The following RALGPS1 variants were observed in gnomAD, a reference collection of about 807,000 sequenced individuals.
RALGPS1 encodes Ral GEF with PH domain and SH3 binding motif 1, also known as ras-specific guanine nucleotide-releasing factor RalGPS1.
Under a neutral mutation model 78.8 loss-of-function variants are expected in RALGPS1, and 19 were observed. The ratio of observed to expected loss-of-function variants is 0.24; its 90% CI spans 0.17 to 0.35. The LOEUF (loss-of-function observed/expected upper bound fraction) is 0.35. Among genes scored for constraint, RALGPS1 ranks in the 10% least tolerant of loss-of-function variants. The pLI is 1.00. For missense variants in RALGPS1, 454 were observed against 688.3 expected, an observed-to-expected ratio of 0.66 and a Z score of 3.81; for synonymous variants, 228 against 256.3, an observed-to-expected ratio of 0.89 and a Z score of 1.06.
chr9:127,093,218 GC>G (rs746246774), intron 8 of RALGPS1, among the ~76,000 whole-genome samples: 2 of 152,108 alleles, frequency 1.3e-5, no homozygotes, highest in African/African-American at 2.4e-5. Context: ...ACACAGATGA[GC>G]ATTTCAACTC....
chr9:127,105,403 C>T (rs2054126496), intron 8 of RALGPS1, among the ~76,000 whole-genome samples: 1 of 152,132 alleles, frequency 6.6e-6, no homozygotes, highest in African/African-American at 2.4e-5. Context: ...ATTTGAGGTG[C>T]CAGGAATAGA....
Position 127,115,962 on chromosome 9 carries a change from A to G in RALGPS1, c.610+46606A>G, listed in dbSNP as rs189627613. Among the ~76,000 whole-genome samples, 323 of 152,286 alleles carry G rather than the reference A, an allele frequency of 2.1e-3. 2 individuals carry two copies. Among genetic ancestry groups the G allele is most frequent in the Non-Finnish European group, 3.0e-3 (207 of 68,012 alleles). The stretch of plus-strand genomic sequence containing the variant: ...CCCTCCCCTCCTGGCTGAGGATGCT[A>G]TGAATGATTCCCCACCAGAAGGCAC... On this transcript the variant is annotated intron_variant, in intron 8 of 18. Transcript: ENST00000259351.
At chr9:126,987,820 C>T (rs2041942242) in intron 4 of RALGPS1, among the ~76,000 whole-genome samples, 2 of 152,120 alleles carry the variant, frequency 1.3e-5, no homozygotes, top group South Asian at 2.1e-4. Context: ...GACCTCGGCA[C>T]AATTCAACCT....
intron 1 of RALGPS1, among the ~76,000 whole-genome samples, chr9:126,940,512 T>C (rs1477039652): frequency 6.7e-6 from 1 of 148,954 alleles, no homozygotes; most frequent in Non-Finnish European, 1.5e-5. Context: ...CGATCTTGGC[T>C]CACTGCAAGC....
chr9:127,003,046 A>G (rs1193017858), intron 4 of RALGPS1, among the ~76,000 whole-genome samples: 1 of 152,158 alleles, frequency 6.6e-6, no homozygotes, highest in African/African-American at 2.4e-5. Context: ...TGGTTGAACT[A>G]GTTTACAGTC....
At chr9:127,035,875 G>A (rs1371817742) in intron 5 of RALGPS1, among the ~76,000 whole-genome samples, 2 of 151,760 alleles carry the variant, frequency 1.3e-5, no homozygotes, top group African/African-American at 2.4e-5. Context: ...TTGAAAAATC[G>A]TCTCTTTTCA....
chr9:126,963,949 G>A (rs780562852), intron 2 of RALGPS1, among the ~76,000 whole-genome samples: 2 of 152,208 alleles, frequency 1.3e-5, no homozygotes, highest in Admixed American at 1.3e-4. Flanking sequence ...ACTGGGAGAT[G>A]GAGTAGACTG....
At chr9:127,102,747 G>C (rs1210584975) in intron 8 of RALGPS1, among the ~76,000 whole-genome samples, 2 of 152,168 alleles carry the variant, frequency 1.3e-5, no homozygotes, top group Admixed American at 1.3e-4. Flanking sequence ...CATCATCCAG[G>C]TGGGCCATCT....
intron 8 of RALGPS1, among the ~76,000 whole-genome samples, chr9:127,078,163 T>C (rs1221579253): frequency 1.3e-5 from 2 of 152,170 alleles, no homozygotes; most frequent in Admixed American, 1.3e-4. Context: ...CAGAATGATC[T>C]CAAAGACGCT....
intron 4 of RALGPS1, among the ~76,000 whole-genome samples, chr9:127,018,309 TAA>T (rs61463787): frequency 6.1e-4 from 89 of 145,462 alleles, no homozygotes; most frequent in Middle Eastern, 3.6e-3. Flanking sequence ...ATAGTTAACT[TAA>T]AAAAAAAAAA....
intron 1 of RALGPS1, among the ~76,000 whole-genome samples, chr9:126,937,975 G>C (rs970543786): frequency 1.3e-5 from 2 of 152,152 alleles, no homozygotes; most frequent in African/African-American, 4.8e-5. Flanking sequence ...GGAGGTGGGT[G>C]CTCCTTTACA....
intron 1 of RALGPS1, among the ~76,000 whole-genome samples, chr9:126,960,210 TCC>T (rs1278641711): frequency 0.12 from 6,856 of 56,620 alleles, 903 homozygotes; most frequent in African/African-American, 0.33. Flanking sequence ...CCTCCCTCCC[TCC>T]CTCCCTCCCT....
intron 4 of RALGPS1, among the ~76,000 whole-genome samples, chr9:127,011,528 G>T (rs2044345632): frequency 6.6e-6 from 1 of 152,118 alleles, no homozygotes; most frequent in Non-Finnish European, 1.5e-5. Flanking sequence ...TTAGAATTCA[G>T]TAGGGTGTAT....
chr9:126,934,540 C>T (rs904263265), intron 1 of RALGPS1, among the ~76,000 whole-genome samples: 15 of 152,114 alleles, frequency 9.9e-5, no homozygotes, highest in African/African-American at 2.2e-4. Flanking sequence ...GGGACTGAGG[C>T]GCTGCAGAGT....
In RALGPS1 at chr9:127,182,574, C is replaced by T. The variant is rs1001293974; in HGVS notation, c.910+7792C>T. Among the ~76,000 whole-genome samples, 8 of 151,888 alleles carry T rather than the reference C, an allele frequency of 5.3e-5. No individual in the cohort carries two copies. The South Asian group carries it at 1.0e-3, about 20-fold the overall frequency. Reference sequence around the variant, plus strand: ...CCTCCCGAGTAGCTGGGATTACAGTCGCCCGCCACCATGCCCAGCAAATTT... The same window carrying T: ...CCTCCCGAGTAGCTGGGATTACAGTTGCCCGCCACCATGCCCAGCAAATTT... On this transcript the variant is annotated intron_variant, in intron 11 of 18. Coordinates refer to ENST00000259351, the MANE Select transcript of RALGPS1 (RefSeq NM_014636.3).
At chr9:126,934,526 C>T (rs763696165) in intron 1 of RALGPS1, among the ~76,000 whole-genome samples, 3 of 152,096 alleles carry the variant, frequency 2.0e-5, no homozygotes, top group African/African-American at 4.8e-5. Context: ...AAGCGGAGCC[C>T]GATGGGACTG....
intron 8 of RALGPS1, among the ~76,000 whole-genome samples, chr9:127,143,266 T>C (rs1754276136): frequency 6.6e-6 from 1 of 152,354 alleles, no homozygotes; most frequent in South Asian, 2.1e-4. Context: ...ATTCTGGCTT[T>C]GGAATCCCTG....
chr9:127,129,301 C>T (rs1265693977), intron 8 of RALGPS1, among the ~76,000 whole-genome samples: 1 of 152,124 alleles, frequency 6.6e-6, no homozygotes, highest in Non-Finnish European at 1.5e-5. Flanking sequence ...AATTCATAGA[C>T]ACTTTCCAAA....
chr9:126,924,309 C>G (rs1052359221), intron 1 of RALGPS1, among the ~76,000 whole-genome samples: 1 of 152,162 alleles, frequency 6.6e-6, no homozygotes, highest in East Asian at 1.9e-4. Flanking sequence ...TTGACTTAGC[C>G]CACAGCTCCA....
Sources: gnomAD v4.1 joint callset for allele counts (sites outside exome capture counted in the v4.1 genomes callset) on GRCh38, gnomAD v4.1.1 for gene constraint, MANE v1.5 for transcripts, NCBI Gene and HGNC (gene_info 2026-07-23, HGNC 2026-07-21) for gene names.